The following SLC37A3 variants were observed in gnomAD, a reference collection of about 807,000 sequenced individuals.
SLC37A3 encodes the protein solute carrier family 37 member 3, also known as sugar phosphate exchanger 3.
In SLC37A3, 51 loss-of-function variants were observed where a neutral mutation model predicts 67.1. That is an observed-to-expected ratio of 0.76 (90% CI 0.61 to 0.96). The LOEUF (loss-of-function observed/expected upper bound fraction) is 0.96, where lower values mean the gene tolerates loss of function less well. SLC37A3 is among the 40% of genes least tolerant of loss of function. The pLI is 0.00. For synonymous variants in SLC37A3, 214 were observed against 231.4 expected (o/e 0.92, Z 0.68); for missense variants, 508 against 603.0 (o/e 0.84, Z 1.65).
chr7:140,389,766 T>A (rs1026732416), intron 1 of SLC37A3, among the ~76,000 whole-genome samples: 4 of 152,198 alleles, frequency 2.6e-5, no homozygotes, highest in African/African-American at 9.7e-5. Context: ...TGCTTTGGGA[T>A]ATAAAATTTC....
intron 6 of SLC37A3, 131 bp from the exon 7 acceptor site, chr7:140,355,895 T>A (rs2117103607): frequency 1.4e-6 from 1 of 721,144 alleles, no homozygotes; most frequent in Non-Finnish European, 2.3e-6. Flanking sequence ...AAAAAGTTTT[T>A]AAAAATACAC....
At chr7:140,384,783 A>C (rs1798388315) in intron 1 of SLC37A3, among the ~76,000 whole-genome samples, 1 of 152,156 alleles carries the variant, frequency 6.6e-6, no homozygotes, top group Non-Finnish European at 1.5e-5. Context: ...AATCCACAAA[A>C]TGGCTTGTAT....
At chr7:140,362,407 C>T (rs868528706) in intron 5 of SLC37A3, among the ~76,000 whole-genome samples, 6 of 99,606 alleles carry the variant, frequency 6.0e-5, no homozygotes, top group African/African-American at 1.7e-4. Flanking sequence ...CCGCCCCGTC[C>T]GGGAGGGAGG....
At chr7:140,362,735 A>G (rs1797396878) in intron 5 of SLC37A3, among the ~76,000 whole-genome samples, 2 of 74,460 alleles carry the variant, frequency 2.7e-5, no homozygotes, top group African/African-American at 1.0e-4. Flanking sequence ...GTGGGGGGTC[A>G]GCCCCCCACC....
At chr7:140,359,888 G>C (rs933304601) in intron 5 of SLC37A3, among the ~76,000 whole-genome samples, 13 of 152,096 alleles carry the variant, frequency 8.5e-5, no homozygotes, top group African/African-American at 3.1e-4. Context: ...TGTACAAACT[G>C]CAGTTTTTAA....
At chr7:140,359,992 T>C (rs1237975414) in intron 5 of SLC37A3, among the ~76,000 whole-genome samples, 1 of 152,194 alleles carries the variant, frequency 6.6e-6, no homozygotes, top group Non-Finnish European at 1.5e-5. Flanking sequence ...ATAAAGTGCT[T>C]CCATCTCTAA....
intron 2 of SLC37A3, 101 bp downstream of exon 2, chr7:140,382,337 A>G (rs541863119): frequency 6.4e-6 from 6 of 934,660 alleles, no homozygotes; most frequent in Admixed American, 2.2e-5. Flanking sequence ...AACTAACATT[A>G]TAAGTGTATG....
intron 6 of SLC37A3, 61 bp from the exon 7 acceptor site, chr7:140,355,825 C>T: frequency 7.0e-7 from 1 of 1,428,424 alleles, no homozygotes; most frequent in Non-Finnish European, 9.8e-7. Flanking sequence ...CTGGGCAGTT[C>T]AAAATACAAA....
intron 1 of SLC37A3, among the ~76,000 whole-genome samples, chr7:140,396,758 T>G (rs1311325309): frequency 6.6e-6 from 1 of 152,102 alleles, no homozygotes; most frequent in Non-Finnish European, 1.5e-5. Context: ...TGTTTCCGGG[T>G]CACCTTCTTA....
At position 140,382,599 on chromosome 7, in the gene SLC37A3, G is replaced by GAGATCCGCA; in HGVS notation, c.-70-4_-70-3insTGCGGATCT. ...GTGATTTACATCATTTCTTCCTTCT[G>GAGATCCGCA]GAAAGACAAAACACATTATGGACAT... On this transcript the variant is annotated splice_region_variant and splice_polypyrimidine_tract_variant and intron_variant, in intron 1 of 14. Coordinates refer to ENST00000326232, the MANE Select transcript of SLC37A3 (RefSeq NM_207113.3). The GAGATCCGCA allele has an allele frequency of 7.4e-7, 1 of 1,345,828 alleles. No homozygotes were observed. The highest frequency in any genetic ancestry group is 1.1e-6 in the Non-Finnish European group (1 of 945,468). 83.4% of individuals were successfully genotyped at this position (1,345,828 alleles called of 1,614,324 possible). A position where few individuals can be genotyped will look rare whatever the true frequency, so the allele number is the denominator to read the frequency against.
intron 3 of SLC37A3, among the ~76,000 whole-genome samples, chr7:140,374,863 A>G (rs1797963430): frequency 6.6e-6 from 1 of 151,926 alleles, no homozygotes; most frequent in Non-Finnish European, 1.5e-5. Flanking sequence ...GTCTTAAAAA[A>G]CAAGGCCAGC....
chr7:140,343,474 C>A lies in SLC37A3; in HGVS notation c.1264G>T (p.Ala422Ser), dbSNP rs1585254503. The change falls in exon 13 of 15, where the codon GCT (alanine) becomes TCT (serine). Residue 422 changes from alanine (A) to serine (S), a missense_variant. Transcript: ENST00000326232. ...RQELIQRSSE[A>S]LATVTGIVDG... ...ACAATTCCTGTGACAGTGGCCAAAG[C>A]TTCACTGCTCCTTTGGATGAGCTCC... The A allele has an allele frequency of 6.2e-7, 1 of 1,614,108 alleles. No homozygotes were observed. Among genetic ancestry groups the A allele is most frequent in the Non-Finnish European group, 8.5e-7 (1 of 1,179,992 alleles).
intron 8 of SLC37A3, 27 bp downstream of exon 8, chr7:140,352,035 G>T: frequency 6.3e-7 from 1 of 1,592,936 alleles, no homozygotes; most frequent in African/African-American, 1.3e-5. Context: ...TAAGACATTC[G>T]GAATAGAAGG....
rs1293391804 is a variant in SLC37A3 at position 140,334,599 on chromosome 7, G to A, written c.*813C>T. On this transcript the variant is annotated 3_prime_UTR_variant, in exon 15 of 15. Coordinates refer to ENST00000326232, the MANE Select transcript of SLC37A3 (RefSeq NM_207113.3). ...CTGGGATGGAGTGCTTCGGCTGTGA[G>A]TTACACGTCGGAATGTTCAAGATAA... The A allele has an allele frequency of 1.3e-5, 2 of 152,624 alleles. No homozygotes were observed. Among genetic ancestry groups the A allele is most frequent in the East Asian group, 3.8e-4 (2 of 5,198 alleles). 9.5% of individuals were successfully genotyped at this position (152,624 alleles called of 1,614,324 possible). A position where few individuals can be genotyped will look rare whatever the true frequency, so the allele number is the denominator to read the frequency against.
chr7:140,373,597 C>T (rs1797905766), intron 3 of SLC37A3, among the ~76,000 whole-genome samples: 1 of 152,006 alleles, frequency 6.6e-6, no homozygotes, highest in African/African-American at 2.4e-5. Context: ...GAAAAGGCTA[C>T]AAAAACACTT....
chr7:140,382,301 G>C, intron 2 of SLC37A3, 137 bp downstream of exon 2: 1 of 714,774 alleles, frequency 1.4e-6, no homozygotes, highest in Non-Finnish European at 2.3e-6. Flanking sequence ...CGATATTACA[G>C]CTATCAAGAC....
chr7:140,344,039 C>T (rs1431641948), intron 12 of SLC37A3: 1 of 186,912 alleles, frequency 5.4e-6, no homozygotes, highest in Non-Finnish European at 1.1e-5. Flanking sequence ...ATGCGATGGC[C>T]CAGGTGAATC....
At chr7:140,388,993 T>C (rs901772531) in intron 1 of SLC37A3, among the ~76,000 whole-genome samples, 7 of 152,038 alleles carry the variant, frequency 4.6e-5, no homozygotes, top group Non-Finnish European at 8.8e-5. Context: ...ACTGAGGAAA[T>C]TATGACAGTG....
At chr7:140,356,206 A>C in intron 6 of SLC37A3, among the ~76,000 whole-genome samples, 1 of 149,370 alleles carries the variant, frequency 6.7e-6, no homozygotes. Flanking sequence ...AAAAAAAAAA[A>C]ACAAAACAAA....
Sources: gnomAD v4.1 joint callset for allele counts (sites outside exome capture counted in the v4.1 genomes callset) on GRCh38, gnomAD v4.1.1 for gene constraint, MANE v1.5 for transcripts, NCBI Gene and HGNC (gene_info 2026-07-23, HGNC 2026-07-21) for gene names.